The following KDM4C variants were observed in gnomAD, a reference collection of about 807,000 sequenced individuals.
KDM4C encodes lysine demethylase 4C.
KDM4C carries 81 observed loss-of-function variants against 129.3 expected under a neutral mutation model. The ratio of observed to expected loss-of-function variants is 0.63; its 90% CI spans 0.52 to 0.75. The LOEUF (loss-of-function observed/expected upper bound fraction) is 0.75, where lower values mean the gene tolerates loss of function less well. Ranked by LOEUF, KDM4C falls within the 30% of genes least tolerant of loss-of-function variation. The probability of loss-of-function intolerance (pLI) is 0.00; values close to 1 mark genes in which losing one functional copy is unlikely to be tolerated. For synonymous variants in KDM4C, 573 were observed against 456.1 expected, an observed-to-expected ratio of 1.26 and a Z score of -3.26; for missense variants, 1,457 against 1,304.0, an observed-to-expected ratio of 1.12 and a Z score of -1.81.
intron 1 of KDM4C, among the ~76,000 whole-genome samples, chr9:6,730,931 A>T (rs1817310785): frequency 6.6e-6 from 1 of 152,148 alleles, no homozygotes; most frequent in Non-Finnish European, 1.5e-5. Context: ...TTTAGTTTTC[A>T]ATCTTGTGTA....
intron 5 of KDM4C, among the ~76,000 whole-genome samples, chr9:6,874,953 G>T (rs1843332459): frequency 2.0e-5 from 3 of 150,870 alleles, no homozygotes; most frequent in Admixed American, 2.0e-4. Flanking sequence ...AAAAAAAGTT[G>T]CTAGGGAGTC....
chr9:6,929,229 T>C lies in KDM4C; in HGVS notation c.921+35997T>C, dbSNP rs182970628. 6.6e-5 allele frequency among the ~76,000 whole-genome samples: 10 copies of C among 152,332 alleles called. No homozygotes were observed. The East Asian group carries it at 1.7e-3, about 26-fold the overall frequency. ...ATTTGCTTATGTCTAATATCTGTTA[T>C]AGGTCATTGAAGACACATGTTTAGC... is the stretch of plus-strand genomic sequence containing the variant. On this transcript the variant is annotated intron_variant, in intron 8 of 21. Coordinates refer to ENST00000381309, the MANE Select transcript of KDM4C (RefSeq NM_015061.6).
intron 8 of KDM4C, among the ~76,000 whole-genome samples, chr9:6,934,897 A>T (rs1354065405): frequency 1.1e-4 from 16 of 143,668 alleles, no homozygotes; most frequent in South Asian, 9.2e-4. Flanking sequence ...TTTTTTTTTT[A>T]AATTAGGTAT....
chr9:6,767,146 T>A (rs182704933), intron 1 of KDM4C, among the ~76,000 whole-genome samples: 232 of 152,170 alleles, frequency 1.5e-3, no homozygotes, highest in African/African-American at 5.1e-3. Context: ...GCTTTTTTTT[T>A]ATTCTTTTTT....
intron 17 of KDM4C, among the ~76,000 whole-genome samples, chr9:7,079,017 C>T (rs1241479432): frequency 6.6e-6 from 1 of 152,192 alleles, no homozygotes; most frequent in Non-Finnish European, 1.5e-5. Context: ...TTCAGACTCC[C>T]AGAAGAAAAG....
At chr9:7,020,058 T>G (rs1311360423) in intron 15 of KDM4C, among the ~76,000 whole-genome samples, 1 of 152,080 alleles carries the variant, frequency 6.6e-6, no homozygotes, top group African/African-American at 2.4e-5. Context: ...TCCTCATCAT[T>G]TCTAAAGATT....
At chr9:6,893,328 C>T (rs912464980) in intron 8 of KDM4C, 96 bp downstream of exon 8, 21 of 979,764 alleles carry the variant, frequency 2.1e-5, no homozygotes, top group African/African-American at 5.0e-5. Flanking sequence ...ATTTATTCTT[C>T]CTCACTGGCG....
intron 15 of KDM4C, among the ~76,000 whole-genome samples, chr9:7,024,084 G>C (rs1490532843): frequency 6.6e-6 from 1 of 152,174 alleles, no homozygotes; most frequent in Non-Finnish European, 1.5e-5. Context: ...TGTGTGCAGA[G>C]GAAAAGAATG....
intron 17 of KDM4C, among the ~76,000 whole-genome samples, chr9:7,069,176 T>G (rs1359127029): frequency 6.6e-6 from 1 of 152,206 alleles, no homozygotes; most frequent in Non-Finnish European, 1.5e-5. Flanking sequence ...TATTCCTTCT[T>G]ATTGTTATTA....
chr9:6,974,426 C>T (rs959353916), intron 8 of KDM4C, among the ~76,000 whole-genome samples: 4 of 152,164 alleles, frequency 2.6e-5, no homozygotes, highest in African/African-American at 4.8e-5. Context: ...GTTGTGCGAC[C>T]GCGGCTCACT....
intron 1 of KDM4C, among the ~76,000 whole-genome samples, chr9:6,745,450 T>A (rs1165658198): frequency 6.6e-6 from 1 of 151,684 alleles, no homozygotes; most frequent in African/African-American, 2.4e-5. Context: ...AATAAAAAAT[T>A]CGCTGGTGTG....
chr9:6,990,198 AG>A (rs1818473819), intron 11 of KDM4C, among the ~76,000 whole-genome samples: 1 of 152,196 alleles, frequency 6.6e-6, no homozygotes, highest in African/African-American at 2.4e-5. Context: ...AAGTGGAAGA[AG>A]AATTAATTGA....
chr9:7,052,576 T>C (rs922349302), intron 17 of KDM4C, among the ~76,000 whole-genome samples: 1 of 152,208 alleles, frequency 6.6e-6, no homozygotes, highest in East Asian at 1.9e-4. Context: ...ACTTTACTTA[T>C]CTGCATCACA....
chr9:7,052,935 C>T (rs1388021364), intron 17 of KDM4C, among the ~76,000 whole-genome samples: 12 of 47,526 alleles, frequency 2.5e-4, no homozygotes, highest in African/African-American at 9.8e-4. Context: ...AATAGAGCAT[C>T]GAAAGTACTG....
chr9:6,818,246 C>T (rs1009438817), intron 4 of KDM4C, among the ~76,000 whole-genome samples: 3 of 152,174 alleles, frequency 2.0e-5, no homozygotes, highest in East Asian at 1.9e-4. Context: ...ATTTCAGTTT[C>T]TTTTAGCACA....
intron 17 of KDM4C, among the ~76,000 whole-genome samples, chr9:7,098,443 A>G (rs572171692): frequency 6.6e-6 from 1 of 152,352 alleles, no homozygotes; most frequent in South Asian, 2.1e-4. Context: ...CATTTATTTT[A>G]ATGCTCTGAA....
At chr9:7,056,394 C>T (rs1479526593) in intron 17 of KDM4C, among the ~76,000 whole-genome samples, 2 of 150,988 alleles carry the variant, frequency 1.3e-5, no homozygotes, top group African/African-American at 2.4e-5. Context: ...ACTTAACTGT[C>T]AGAATGATTT....
At chr9:7,049,995 T>A (rs986935182) in intron 17 of KDM4C, among the ~76,000 whole-genome samples, 5 of 151,878 alleles carry the variant, frequency 3.3e-5, no homozygotes, top group Non-Finnish European at 5.9e-5. Flanking sequence ...GTCTTTCCAC[T>A]GTACAGCATT....
chr9:6,921,724 C>T lies in KDM4C; in HGVS notation c.921+28492C>T, dbSNP rs533850290. Among the ~76,000 whole-genome samples, 9 of 152,266 alleles carry T rather than the reference C, an allele frequency of 5.9e-5. No individual in the cohort carries two copies. In the South Asian group the frequency reaches 1.5e-3, roughly 25 times the overall value. On this transcript the variant is annotated intron_variant, in intron 8 of 21. Coordinates refer to ENST00000381309, the MANE Select transcript of KDM4C (RefSeq NM_015061.6). Reference sequence around the variant, plus strand: ...CCCTTCCTAGCTTCCCATCTCGCTTCCATTAAAATTTAATATGCTTACCAT... The same window carrying T: ...CCCTTCCTAGCTTCCCATCTCGCTTTCATTAAAATTTAATATGCTTACCAT...
Sources: gnomAD v4.1 joint callset for allele counts (sites outside exome capture counted in the v4.1 genomes callset) on GRCh38, gnomAD v4.1.1 for gene constraint, MANE v1.5 for transcripts, NCBI Gene and HGNC (gene_info 2026-07-23, HGNC 2026-07-21) for gene names.